GPD2: variants seen among roughly 807,000 people sequenced by gnomAD.
GPD2 encodes glycerol-3-phosphate dehydrogenase, mitochondrial.
Under a neutral mutation model 82.4 loss-of-function variants are expected in GPD2, and 54 were observed. The ratio of observed to expected loss-of-function variants is 0.66; its 90% confidence interval spans 0.53 to 0.82. GPD2 has a LOEUF of 0.82. Among genes scored for constraint, GPD2 ranks in the 40% least tolerant of loss-of-function variants. The pLI is 0.00. For missense variants in GPD2, 748 were observed against 896.2 expected, an observed-to-expected ratio of 0.83 and a Z score of 2.11; for synonymous variants, 288 against 306.1, an observed-to-expected ratio of 0.94 and a Z score of 0.62.
the GPD2 span, among the ~76,000 whole-genome samples, chr2:156,427,424 T>C: frequency 6.6e-6 from 1 of 152,230 alleles, no homozygotes; most frequent in East Asian, 1.9e-4. Flanking sequence ...CTGTAATTTT[T>C]TTCAAACTTG....
intron 6 of GPD2, among the ~76,000 whole-genome samples, chr2:156,538,532 C>T (rs993205263): frequency 6.6e-6 from 1 of 150,564 alleles, no homozygotes; most frequent in African/African-American, 2.4e-5. Flanking sequence ...AAATTAAGAT[C>T]AGGATTGGCT....
At chr2:156,569,254 T>C in intron 10 of GPD2, 109 bp from the exon 11 acceptor site, 1 of 785,762 alleles carries the variant, frequency 1.3e-6, no homozygotes, top group Non-Finnish European at 2.3e-6. Flanking sequence ...CAATCCCATG[T>C]TTGTTACAAA....
chr2:156,449,726 G>T (rs1434910161), intron 1 of GPD2, among the ~76,000 whole-genome samples: 1 of 152,172 alleles, frequency 6.6e-6, no homozygotes, highest in East Asian at 1.9e-4. Flanking sequence ...ATAGAAAAAA[G>T]TGGCCTGGGC....
At chr2:156,430,137 A>T in the GPD2 span, among the ~76,000 whole-genome samples, 1 of 152,236 alleles carries the variant, frequency 6.6e-6, no homozygotes, top group Admixed American at 6.5e-5. Context: ...CAAAGCTCAG[A>T]ACAAAGTGTT....
At chr2:156,469,626 T>A (rs1683260822) in intron 1 of GPD2, among the ~76,000 whole-genome samples, 1 of 152,224 alleles carries the variant, frequency 6.6e-6, no homozygotes, top group Admixed American at 6.5e-5. Flanking sequence ...GATGCCTTTA[T>A]GTCTTGCTGG....
intron 6 of GPD2, among the ~76,000 whole-genome samples, chr2:156,516,701 T>C (rs1464053616): frequency 6.6e-6 from 1 of 152,262 alleles, no homozygotes; most frequent in East Asian, 1.9e-4. Flanking sequence ...CTCCCTGGAC[T>C]TCCAAAGTGT....
chr2:156,518,568 T>C (rs1481266265), intron 6 of GPD2, among the ~76,000 whole-genome samples: 1 of 152,194 alleles, frequency 6.6e-6, no homozygotes, highest in East Asian at 1.9e-4. Context: ...TTGTACACTT[T>C]AATAAAAGAA....
At chr2:156,569,920 C>G (rs1687550141) in intron 11 of GPD2, among the ~76,000 whole-genome samples, 167 bp from the exon 12 acceptor site, 1 of 152,042 alleles carries the variant, frequency 6.6e-6, no homozygotes, top group Non-Finnish European at 1.5e-5. Context: ...CCTAAGCATT[C>G]GAAGCCCAAG....
intron 15 of GPD2, among the ~76,000 whole-genome samples, chr2:156,579,486 GC>G (rs1196395551): frequency 6.6e-6 from 1 of 151,452 alleles, no homozygotes; most frequent in Non-Finnish European, 1.5e-5. Context: ...GCACCACCAT[GC>G]CCGGCTAATT....
At chr2:156,580,710 A>T (rs1284353413) in intron 16 of GPD2, among the ~76,000 whole-genome samples, 1 of 152,196 alleles carries the variant, frequency 6.6e-6, no homozygotes, top group East Asian at 1.9e-4. Context: ...GGCAAAGGAA[A>T]TGGTAATTGT....
At chr2:156,524,061 G>A (rs1444394426) in intron 6 of GPD2, among the ~76,000 whole-genome samples, 1 of 152,108 alleles carries the variant, frequency 6.6e-6, no homozygotes. Flanking sequence ...TAATGGTGAC[G>A]TTGGGGCTTC....
chr2:156,569,146 G>A (rs1171946334), intron 10 of GPD2, among the ~76,000 whole-genome samples, 187 bp downstream of exon 10: 2 of 151,644 alleles, frequency 1.3e-5, no homozygotes, highest in Non-Finnish European at 2.9e-5. Flanking sequence ...TTGTAATTTG[G>A]ATGTGCTTTA....
intron 9 of GPD2, among the ~76,000 whole-genome samples, chr2:156,564,352 G>A (rs545345776): frequency 6.0e-4 from 91 of 152,254 alleles, no homozygotes; most frequent in African/African-American, 2.1e-3. Flanking sequence ...ATTCAGACTA[G>A]CATCTACTAC....
At chr2:156,570,709 T>C (rs1302491957) in intron 12 of GPD2, among the ~76,000 whole-genome samples, 1 of 152,182 alleles carries the variant, frequency 6.6e-6, no homozygotes, top group Non-Finnish European at 1.5e-5. Flanking sequence ...GATTCCTATA[T>C]TCTGGTTACT....
At chr2:156,428,928 C>A in the GPD2 span, among the ~76,000 whole-genome samples, 1 of 152,122 alleles carries the variant, frequency 6.6e-6, no homozygotes, top group East Asian at 1.9e-4. Context: ...ATGCTCTGTG[C>A]GTGTAAAAAA....
rs1239915142 is a variant in GPD2, at chr2:156,512,282, A to T, written c.462A>T (p.Leu154Phe). The T allele has an allele frequency of 3.8e-6, 6 of 1,599,136 alleles. No individual in the cohort carries two copies. The highest frequency in any genetic ancestry group is 5.1e-6 in the Non-Finnish European group (6 of 1,166,326). Residue 154 changes from leucine (L) to phenylalanine (F), a missense_variant, in exon 5 of 17, where the codon TTA becomes TTT. Physicochemically the swap from Leu to Phe is conservative, Grantham distance 22 (BLOSUM62 0). Coordinates refer to ENST00000438166, the MANE Select transcript of GPD2 (RefSeq NM_000408.5). ...RANLLEIAPHLSAPLPIMLPV... is the reference protein window; with the variant it reads ...RANLLEIAPHFSAPLPIMLPV... The stretch of plus-strand genomic sequence containing the variant: ...ACCTGCTAGAAATTGCTCCCCATTT[A>T]TCAGCTCCATTGCCTATAATGCTTC...
At chr2:156,460,335 G>A (rs932760964) in intron 1 of GPD2, among the ~76,000 whole-genome samples, 3 of 152,154 alleles carry the variant, frequency 2.0e-5, no homozygotes, top group African/African-American at 7.2e-5. Flanking sequence ...AGTTTCCAGT[G>A]TGATGCCAAC....
chr2:156,462,453 ATT>A lies in GPD2; in HGVS notation c.-8-13626_-8-13625del, dbSNP rs35159143. 5.3e-3 allele frequency among the ~76,000 whole-genome samples: 624 copies of A among 118,148 alleles called. 1 individual carries two copies. The highest frequency in any genetic ancestry group is 7.5e-3 in the Non-Finnish European group (427 of 57,200). 77.5% of individuals were successfully genotyped at this position (118,148 alleles called of 152,430 possible). On this transcript the variant is annotated intron_variant, in intron 1 of 16. Transcript: ENST00000438166. ...GGCATGCAACACCACACCCGGATACATTTTTTTTTTTTTTTTTTTTGTATTTT... is the reference window on the plus strand; with the variant it reads ...GGCATGCAACACCACACCCGGATACATTTTTTTTTTTTTTTTTTGTATTTT...
chr2:156,560,545 C>T (rs1416972836), intron 9 of GPD2, among the ~76,000 whole-genome samples: 1 of 152,166 alleles, frequency 6.6e-6, no homozygotes, highest in Non-Finnish European at 1.5e-5. Flanking sequence ...TGTGCGGCAC[C>T]TGTCACAACT....
Sources: allele counts gnomAD v4.1 joint callset (sites outside exome capture counted in the v4.1 genomes callset), GRCh38; gene constraint gnomAD v4.1.1; transcripts MANE v1.5; gene names NCBI Gene and HGNC (gene_info 2026-07-23, HGNC 2026-07-21).